The following MEP1B variants were observed in gnomAD, a reference collection of about 807,000 sequenced individuals.
The protein encoded by MEP1B is meprin A subunit beta.
A neutral mutation model predicts 84.6 loss-of-function variants in MEP1B; 80 were observed. The observed-to-expected ratio is 0.95, with a 90% CI of 0.79 to 1.14. MEP1B has a LOEUF of 1.14. MEP1B is among the 50% of genes most tolerant of loss of function. The pLI, the probability that MEP1B is intolerant of heterozygous loss-of-function variation, is 0.00. For missense variants in MEP1B, 766 were observed against 855.1 expected, an observed-to-expected ratio of 0.90 and a Z score of 1.30; for synonymous variants, 273 against 288.1, an observed-to-expected ratio of 0.95 and a Z score of 0.53.
At chr18:32,218,347 T>C (rs2041115701) in intron 14 of MEP1B, among the ~76,000 whole-genome samples, 1 of 152,120 alleles carries the variant, frequency 6.6e-6, no homozygotes, top group Non-Finnish European at 1.5e-5. Context: ...GTAGTGGTGG[T>C]GAGCTGAGGC....
chr18:32,209,137 A>G (rs2040996149), intron 9 of MEP1B, among the ~76,000 whole-genome samples: 1 of 152,232 alleles, frequency 6.6e-6, no homozygotes, highest in South Asian at 2.1e-4. Flanking sequence ...CCATATTTAA[A>G]TGCCCAACAC....
intron 5 of MEP1B, 137 bp downstream of exon 5, chr18:32,195,622 T>A: frequency 1.9e-6 from 1 of 540,174 alleles, no homozygotes; most frequent in Non-Finnish European, 3.2e-6. Context: ...GTACATTTAC[T>A]TTGAAAAAAA....
At chr18:32,199,589 A>G (rs932473628) in intron 5 of MEP1B, among the ~76,000 whole-genome samples, 37 of 128,058 alleles carry the variant, frequency 2.9e-4, no homozygotes, top group African/African-American at 1.2e-3. Context: ...TTGAATATAC[A>G]TGTTTTTTTG....
chr18:32,206,905 C>T (rs542282256), intron 7 of MEP1B, among the ~76,000 whole-genome samples: 4 of 152,232 alleles, frequency 2.6e-5, no homozygotes, highest in Admixed American at 6.5e-5. Context: ...CCACCACGCC[C>T]GGCCTTAAAA....
chr18:32,195,833 A>G (rs997318179), intron 5 of MEP1B, among the ~76,000 whole-genome samples: 1 of 152,066 alleles, frequency 6.6e-6, no homozygotes, highest in Admixed American at 6.5e-5. Context: ...CAGTGCAAAA[A>G]CATCTTTTGG....
At chr18:32,193,596 A>T (rs1290367969) in intron 4 of MEP1B, among the ~76,000 whole-genome samples, 1 of 152,184 alleles carries the variant, frequency 6.6e-6, no homozygotes, top group African/African-American at 2.4e-5. Flanking sequence ...GAAAAAAAGA[A>T]AGAAGGCAAT....
chr18:32,215,140 T>A lies in MEP1B; in HGVS notation c.1638T>A (p.Ser546=). Residue 546 remains serine, a synonymous_variant, in exon 12 of 15, where the codon TCT becomes TCA. Transcript: ENST00000269202. The stretch of plus-strand genomic sequence containing the variant: ...AAGTGGGAACAGTGGCTTTGTTCTC[T>A]AATGGAACTCAGTTTAGAAGAGGTG... ...PSKVGTVALF[S]NGTQFRRGGG... The A allele has an allele frequency of 2.5e-6, 4 of 1,609,482 alleles. No homozygotes were observed. In the South Asian group the frequency reaches 3.3e-5, roughly 13 times the overall value.
At chr18:32,191,921 T>A in intron 2 of MEP1B, 81 bp downstream of exon 2, 1 of 825,954 alleles carries the variant, frequency 1.2e-6, no homozygotes, top group East Asian at 2.7e-5. Context: ...TAATTACATA[T>A]GCATAATTGA....
chr18:32,217,644 A>T, intron 13 of MEP1B, 117 bp from the exon 14 acceptor site: 1 of 827,354 alleles, frequency 1.2e-6, no homozygotes, highest in South Asian at 1.5e-5. Flanking sequence ...AAATAGTTTC[A>T]TATAGCAATG....
At position 32,196,888 on chromosome 18, in the gene MEP1B, G is replaced by A. The variant is rs545966774; in HGVS notation, c.250+1403G>A. ...ATGTAGTGGAGGCGGGCAAGGAGGC[G>A]CAGGCAGGCTCAGATCTCCACGTGC... On this transcript the variant is annotated intron_variant, in intron 5 of 14. Coordinates refer to ENST00000269202, the MANE Select transcript of MEP1B (RefSeq NM_005925.3). This position sits in a 1 kb window ranked among gnomAD's most constrained non-coding sequence, Gnocchi z 4.4. The A allele has an allele frequency of 1.1e-4, 52 of 462,244 alleles. 1 individual carries two copies. Among genetic ancestry groups the A allele is most frequent in the South Asian group, 7.7e-4 (36 of 46,996 alleles). 28.6% of individuals were successfully genotyped at this position (462,244 alleles called of 1,614,324 possible).
At position 32,203,409 on chromosome 18, in the gene MEP1B, G is replaced by C. The variant is rs568006574; in HGVS notation, c.368+399G>C. 2.0e-3 allele frequency among the ~76,000 whole-genome samples: 308 copies of C among 152,242 alleles called. 6 individuals carry two copies. Among genetic ancestry groups the C allele is most frequent in the African/African-American group, 7.0e-3 (291 of 41,536 alleles). The stretch of plus-strand genomic sequence containing the variant: ...AGAAGGCGACAGTATTATTTGTCTT[G>C]AGCTCAGCAATTCTGAGTGGTTGCT... On this transcript the variant is annotated intron_variant, in intron 6 of 14. Coordinates refer to ENST00000269202, the MANE Select transcript of MEP1B (RefSeq NM_005925.3).
chr18:32,201,299 TACACACACACACACAC>T (rs58057830), intron 5 of MEP1B, among the ~76,000 whole-genome samples: 2 of 144,324 alleles, frequency 1.4e-5, no homozygotes, highest in South Asian at 2.3e-4. Flanking sequence ...CATATGTAGA[TACACACACACACACAC>T]ACACACACAC....
At chr18:32,214,032 C>A (rs1390553276) in intron 11 of MEP1B, among the ~76,000 whole-genome samples, 1 of 152,132 alleles carries the variant, frequency 6.6e-6, no homozygotes, top group East Asian at 1.9e-4. Context: ...GGTGGAGAGG[C>A]CCTCAGATGT....
Position 32,190,788 on chromosome 18 carries a change from T to C in MEP1B, c.63+655T>C, listed in dbSNP as rs116113957. On this transcript the variant is annotated intron_variant, in intron 1 of 14. Coordinates refer to ENST00000269202, the MANE Select transcript of MEP1B (RefSeq NM_005925.3). The stretch of plus-strand genomic sequence containing the variant: ...GAATAAATCCTTGATAATTTTATTC[T>C]GTAGGTGCACTGGCATTCCTCTATG... Among the ~76,000 whole-genome samples the C allele has an allele frequency of 4.7e-3, 718 of 152,258 alleles. 11 individuals are homozygous for C. Among genetic ancestry groups the C allele is most frequent in the African/African-American group, 0.016 (657 of 41,578 alleles).
intron 14 of MEP1B, among the ~76,000 whole-genome samples, chr18:32,218,433 G>A (rs927981791): frequency 1.3e-5 from 2 of 152,110 alleles, no homozygotes; most frequent in Non-Finnish European, 2.9e-5. Context: ...GGCTTCATGT[G>A]GAATAACTAA....
intron 11 of MEP1B, 88 bp downstream of exon 11, chr18:32,213,647 G>C: frequency 2.0e-6 from 2 of 977,964 alleles, no homozygotes; most frequent in South Asian, 3.2e-5. Context: ...TGCACAGTTA[G>C]TTACCTAGGG....
rs768717654 is a variant in MEP1B at position 32,213,069 on chromosome 18, A to G, written c.1136-47A>G. On this transcript the variant is annotated intron_variant, in intron 10 of 14. Coordinates refer to ENST00000269202, the MANE Select transcript of MEP1B (RefSeq NM_005925.3). Reference sequence around the variant, plus strand: ...CTAGAAATCTAATGTTGACATGTACATGATTTGAACTTCTTTGTCTTTGAA... The same window carrying G: ...CTAGAAATCTAATGTTGACATGTACGTGATTTGAACTTCTTTGTCTTTGAA... 9.7e-6 allele frequency: 15 copies of G among 1,539,822 alleles called. No individual in the cohort carries two copies. The Admixed American group carries it at 2.6e-4, about 26-fold the overall frequency.
rs551730839 is a variant in MEP1B at position 32,191,860 on chromosome 18, T to C, written c.82+20T>C. 2 of 1,499,430 alleles carry C rather than the reference T, an allele frequency of 1.3e-6. No individual in the cohort carries two copies. The highest frequency in any genetic ancestry group is 2.0e-5 in the Admixed American group (1 of 50,716). 92.9% of individuals were successfully genotyped at this position (1,499,430 alleles called of 1,614,324 possible). On this transcript the variant is annotated intron_variant, in intron 2 of 14. Coordinates refer to ENST00000269202, the MANE Select transcript of MEP1B (RefSeq NM_005925.3). The stretch of plus-strand genomic sequence containing the variant: ...ACTTTGGTGAGTCTATTTTGAGTTT[T>C]GTTCTAGGTTATAGAGAACCTAGGA...
Position 32,196,925 on chromosome 18 carries a change from C to G in MEP1B, c.250+1440C>G, listed in dbSNP as rs770437941. The G allele has an allele frequency of 2.9e-5, 11 of 374,396 alleles. No homozygotes were observed. Among genetic ancestry groups the G allele is most frequent in the Non-Finnish European group, 5.6e-5 (11 of 196,902 alleles). 23.2% of individuals were successfully genotyped at this position (374,396 alleles called of 1,614,324 possible). ...AGATCTCCACGTGCACTGCTCCCTA[C>G]ACTTGGTTAAACAGGTGCAGGGCCT... On this transcript the variant is annotated intron_variant, in intron 5 of 14. Transcript: ENST00000269202. The surrounding 1 kb of genome is among the most constrained non-coding windows in gnomAD (Gnocchi z 4.4).
Sources: allele counts gnomAD v4.1 joint callset (sites outside exome capture counted in the v4.1 genomes callset), GRCh38; gene constraint gnomAD v4.1.1; non-coding constraint Gnocchi (gnomAD v3.1); transcripts MANE v1.5; gene names NCBI Gene and HGNC (gene_info 2026-07-23, HGNC 2026-07-21).